Variants in MAP4 observed in about 807,000 individuals in gnomAD.
The protein encoded by MAP4 is microtubule-associated protein 4.
MAP4 carries 76 observed loss-of-function variants against 170.2 expected under a neutral mutation model. The ratio of observed to expected loss-of-function variants is 0.45; its 90% CI spans 0.37 to 0.54. MAP4 has a LOEUF of 0.54. MAP4 is among the 20% of genes least tolerant of loss of function. The pLI, the probability that MAP4 is intolerant of heterozygous loss-of-function variation, is 0.00. For missense variants in MAP4, 2,506 were observed against 2,748.0 expected, an observed-to-expected ratio of 0.91 and a Z score of 1.97; for synonymous variants, 909 against 994.5, an observed-to-expected ratio of 0.91 and a Z score of 1.62.
intron 3 of MAP4, chr3:47,973,813 T>C (rs2100080268): frequency 2.0e-6 from 2 of 985,362 alleles, no homozygotes; most frequent in Non-Finnish European, 2.4e-6. Flanking sequence ...ATCAACTTAA[T>C]AAATAACTGT....
rs1247823794 is a variant in MAP4, at chr3:47,851,843, C to T, written c.*1091G>A. 6.6e-6 allele frequency: 1 copy of T among 152,214 alleles called. No homozygotes were observed. Among genetic ancestry groups the T allele is most frequent in the African/African-American group, 2.4e-5 (1 of 41,438 alleles). 9.4% of individuals were successfully genotyped at this position (152,214 alleles called of 1,614,324 possible). On this transcript the variant is annotated 3_prime_UTR_variant, in exon 21 of 21. Transcript: ENST00000683076. The stretch of plus-strand genomic sequence containing the variant: ...CCTTGGACATGAGGGCTTACATGTC[C>T]TAGGGTGTGGGTGCCGGCCTGAAGG...
chr3:47,925,662 G>A (rs2100045424), intron 4 of MAP4, among the ~76,000 whole-genome samples: 1 of 152,140 alleles, frequency 6.6e-6, no homozygotes, highest in African/African-American at 2.4e-5. Flanking sequence ...TATATAAAAT[G>A]TCCAATCTAA....
At chr3:48,012,028 G>A (rs1340102788) in intron 1 of MAP4, among the ~76,000 whole-genome samples, 3 of 152,218 alleles carry the variant, frequency 2.0e-5, no homozygotes, top group South Asian at 2.1e-4. Context: ...CTGCCTTCCC[G>A]TTTGGCATGA....
intron 2 of MAP4, among the ~76,000 whole-genome samples, chr3:47,993,878 T>C (rs1049003549): frequency 3.3e-5 from 5 of 152,194 alleles, no homozygotes; most frequent in African/African-American, 9.7e-5. Context: ...AGTCAGCCAA[T>C]GCTTTAGCAG....
At chr3:47,865,053 C>CT (rs1309961196) in intron 17 of MAP4, among the ~76,000 whole-genome samples, 1 of 152,144 alleles carries the variant, frequency 6.6e-6, no homozygotes, top group African/African-American at 2.4e-5. Flanking sequence ...TCACAGTAGT[C>CT]TCCCTAATTC....
At chr3:47,985,139 G>A (rs2100087843) in intron 2 of MAP4, among the ~76,000 whole-genome samples, 1 of 151,852 alleles carries the variant, frequency 6.6e-6, no homozygotes, top group Non-Finnish European at 1.5e-5. Context: ...AATTAGCCAG[G>A]CATGGTGGTG....
At chr3:47,962,429 A>C (rs965944600) in intron 3 of MAP4, among the ~76,000 whole-genome samples, 1 of 152,184 alleles carries the variant, frequency 6.6e-6, no homozygotes, top group East Asian at 1.9e-4. Context: ...AAGATATGCA[A>C]TCAGCTTTGG....
chr3:47,883,412 C>T (rs1429463804), intron 10 of MAP4, among the ~76,000 whole-genome samples: 5 of 151,846 alleles, frequency 3.3e-5, no homozygotes, highest in African/African-American at 7.2e-5. Flanking sequence ...TTAGTAGAGA[C>T]GGGGGTTTCT....
At chr3:47,940,724 T>C (rs1190940453) in intron 3 of MAP4, among the ~76,000 whole-genome samples, 3 of 152,166 alleles carry the variant, frequency 2.0e-5, no homozygotes, top group African/African-American at 7.2e-5. Context: ...TAATGGATTT[T>C]AAATAACAGT....
At chr3:47,887,569 A>G (rs989675487) in intron 10 of MAP4, among the ~76,000 whole-genome samples, 1 of 151,824 alleles carries the variant, frequency 6.6e-6, no homozygotes, top group African/African-American at 2.4e-5. Context: ...CCCATCAACC[A>G]CCCAAAGGCT....
At chr3:48,020,706 A>G (rs1370004543), upstream of MAP4, among the ~76,000 whole-genome samples, 1 of 152,236 alleles carries the variant, frequency 6.6e-6, no homozygotes, top group African/African-American at 2.4e-5. Flanking sequence ...ATCTGAATTA[A>G]AAGTATTAAA....
chr3:47,875,380 A>C (rs934759605), intron 12 of MAP4, among the ~76,000 whole-genome samples: 2 of 152,238 alleles, frequency 1.3e-5, no homozygotes, highest in Non-Finnish European at 2.9e-5. Context: ...TATTACCTCC[A>C]AACAGGGAAG....
rs777417142 is a variant in MAP4, at chr3:47,852,878, C to T, written c.*56G>A. On this transcript the variant is annotated 3_prime_UTR_variant, in exon 21 of 21. Coordinates refer to ENST00000683076, the MANE Select transcript of MAP4 (RefSeq NM_001385682.1). ...AAGTGTGGGGGGCGGGAGACAATGT[C>T]GGCCCCGTGGTCGGTGCGGGCCCTG... The T allele has an allele frequency of 2.7e-5, 42 of 1,582,560 alleles. 1 individual carries two copies. The highest frequency in any genetic ancestry group is 1.3e-4 in the South Asian group (11 of 87,868).
chr3:48,012,661 C>T (rs867240029), intron 1 of MAP4, among the ~76,000 whole-genome samples: 5 of 152,092 alleles, frequency 3.3e-5, no homozygotes, highest in Non-Finnish European at 7.4e-5. Context: ...ACCCCCACCC[C>T]GCCCCCAGCC....
In MAP4 at chr3:47,871,992, T is replaced by C. The variant is rs572112497; in HGVS notation, c.5866A>G (p.Thr1956Ala). The C allele has an allele frequency of 1.2e-6, 2 of 1,614,034 alleles. No individual in the cohort carries two copies. The highest frequency in any genetic ancestry group is 1.3e-5 in the African/African-American group (1 of 75,020). ...SKSTQTVAKT[T>A]TAAAVASTGP... ...GTTGAGGCAACAGCAGCAGCTGTTG[T>C]GGTTTTTGCAACAGTCTGAGTGCTC... is the stretch of plus-strand genomic sequence containing the variant. The change falls in exon 13 of 21, where the codon ACA becomes GCA. Residue 1956 changes from threonine (T) to alanine (A), a missense_variant. By Grantham distance (58) the Thr-to-Ala change is moderately conservative. This residue lies in a region of MAP4 where 487 missense variants were observed against 511.6 expected (regional missense o/e 0.95). Coordinates refer to ENST00000683076, the MANE Select transcript of MAP4 (RefSeq NM_001385682.1).
intron 3 of MAP4, among the ~76,000 whole-genome samples, chr3:47,947,242 A>G (rs2100060621): frequency 6.6e-6 from 1 of 152,128 alleles, no homozygotes; most frequent in Admixed American, 6.5e-5. Context: ...TCACACTTGA[A>G]TAAGAAGTCT....
chr3:47,865,130 C>G (rs1413024003), intron 17 of MAP4, among the ~76,000 whole-genome samples: 1 of 151,854 alleles, frequency 6.6e-6, no homozygotes, highest in African/African-American at 2.4e-5. Flanking sequence ...AACAACAAAA[C>G]AAAACAAAAA....
intron 3 of MAP4, among the ~76,000 whole-genome samples, chr3:47,969,677 A>G (rs1249661532): frequency 6.6e-6 from 1 of 152,174 alleles, no homozygotes; most frequent in African/African-American, 2.4e-5. Context: ...CTTTGTATCA[A>G]CCAAACCAGA....
intron 1 of MAP4, among the ~76,000 whole-genome samples, chr3:48,047,782 C>T (rs1208044455): frequency 3.3e-5 from 5 of 152,118 alleles, no homozygotes. Flanking sequence ...AATTCACTTT[C>T]GGAATAAAAT....
Sources: gnomAD v4.1 joint callset for allele counts (sites outside exome capture counted in the v4.1 genomes callset) on GRCh38, gnomAD v4.1.1 for gene constraint, gnomAD v4.1.1 regional missense constraint, MANE v1.5 for transcripts, NCBI Gene and HGNC (gene_info 2026-07-23, HGNC 2026-07-21) for gene names.